Variants in CHCHD6 observed in about 807,000 individuals in gnomAD.
The protein encoded by CHCHD6 is MICOS complex subunit MIC25.
In CHCHD6, 28 loss-of-function variants were observed where a neutral mutation model predicts 32.3. The observed-to-expected ratio is 0.87, with a 90% CI of 0.64 to 1.19. The LOEUF (loss-of-function observed/expected upper bound fraction) is 1.19, where lower values mean the gene tolerates loss of function less well. CHCHD6 is among the 50% of genes most tolerant of loss of function. CHCHD6 has a pLI of 0.00. For missense variants in CHCHD6, 333 were observed against 307.0 expected (o/e 1.08, Z -0.63); for synonymous variants, 122 against 117.5 (o/e 1.04, Z -0.25).
At chr3:126,841,644 G>C (rs939812465) in intron 4 of CHCHD6, among the ~76,000 whole-genome samples, 1 of 152,046 alleles carries the variant, frequency 6.6e-6, no homozygotes, top group Non-Finnish European at 1.5e-5. Flanking sequence ...GGTTGCTCAC[G>C]CCTGTAATCC....
rs199956149 is a variant in CHCHD6 at position 126,730,664 on chromosome 3, C to T, written c.266+34C>T. ...GAGAGCCTGCTTGCTCCCGGCACTG[C>T]GCTCCGCCTAAAAGCCTCTTTCCTC... On this transcript the variant is annotated intron_variant, in intron 3 of 7. Transcript: ENST00000290913. 1.0e-4 allele frequency: 161 copies of T among 1,580,420 alleles called. No homozygotes were observed. In the African/African-American group the frequency reaches 1.5e-3, roughly 15 times the overall value.
chr3:126,799,188 G>A (rs1938943545), intron 4 of CHCHD6, among the ~76,000 whole-genome samples: 1 of 152,182 alleles, frequency 6.6e-6, no homozygotes. Flanking sequence ...GGAACTTGGT[G>A]GGGACTGAAA....
At chr3:126,915,542 C>T (rs548128812) in intron 6 of CHCHD6, among the ~76,000 whole-genome samples, 2 of 152,252 alleles carry the variant, frequency 1.3e-5, no homozygotes, top group Non-Finnish European at 2.9e-5. Flanking sequence ...CCACCAACTC[C>T]ATCCACTTCC....
Position 126,740,912 on chromosome 3 carries a change from T to A in CHCHD6, c.411+7690T>A, listed in dbSNP as rs1367211385. Among the ~76,000 whole-genome samples, 3 of 152,194 alleles carry A rather than the reference T, an allele frequency of 2.0e-5. No individual in the cohort carries two copies. In the East Asian group the frequency reaches 5.8e-4, roughly 29 times the overall value. On this transcript the variant is annotated intron_variant, in intron 4 of 7. Coordinates refer to ENST00000290913, the MANE Select transcript of CHCHD6 (RefSeq NM_032343.3). Reference sequence around the variant, plus strand: ...TGATTTATTTCCTGTATATTTTATCTAAACTGAGGGTGGAGGAAGGCTGTA... The same window carrying A: ...TGATTTATTTCCTGTATATTTTATCAAAACTGAGGGTGGAGGAAGGCTGTA...
intron 1 of CHCHD6, among the ~76,000 whole-genome samples, chr3:126,716,578 A>T (rs1400268775): frequency 6.6e-6 from 1 of 152,014 alleles, no homozygotes; most frequent in Non-Finnish European, 1.5e-5. Context: ...GTACCATGTT[A>T]TGGACCCAGG....
chr3:126,919,481 C>T (rs1208017324), intron 6 of CHCHD6, among the ~76,000 whole-genome samples: 2 of 151,646 alleles, frequency 1.3e-5, no homozygotes, highest in African/African-American at 4.8e-5. Context: ...ATTCGGCTAA[C>T]TTTTTAAATT....
chr3:126,747,739 A>G (rs1366065494), intron 4 of CHCHD6, among the ~76,000 whole-genome samples: 2 of 152,142 alleles, frequency 1.3e-5, no homozygotes, highest in Non-Finnish European at 2.9e-5. Flanking sequence ...TGACAGCTAG[A>G]TATATCCAGC....
At chr3:126,807,649 T>C (rs970567046) in intron 4 of CHCHD6, among the ~76,000 whole-genome samples, 12 of 152,178 alleles carry the variant, frequency 7.9e-5, no homozygotes, top group Non-Finnish European at 4.4e-5. Flanking sequence ...ACCTTCCAGA[T>C]TGAGAAGGGC....
At chr3:126,735,600 C>G (rs979553562) in intron 4 of CHCHD6, among the ~76,000 whole-genome samples, 1 of 152,160 alleles carries the variant, frequency 6.6e-6, no homozygotes. Context: ...CAAGCTTAGC[C>G]AGCTTGCACC....
At chr3:126,730,711 C>T (rs1208907363) in intron 3 of CHCHD6, 81 bp downstream of exon 3, 1 of 1,191,018 alleles carries the variant, frequency 8.4e-7, no homozygotes, top group Non-Finnish European at 1.2e-6. Context: ...CTCTCCTTGC[C>T]TGAAGCCCTG....
chr3:126,930,381 G>T (rs1292526684), intron 6 of CHCHD6, among the ~76,000 whole-genome samples: 5 of 152,152 alleles, frequency 3.3e-5, no homozygotes, highest in Non-Finnish European at 5.9e-5. Flanking sequence ...AAGGTGACCC[G>T]CAGTAGCTTG....
intron 4 of CHCHD6, among the ~76,000 whole-genome samples, chr3:126,746,237 C>T (rs1936497930): frequency 6.6e-6 from 1 of 152,206 alleles, no homozygotes; most frequent in Non-Finnish European, 1.5e-5. Context: ...CTTGTGCCCA[C>T]AGGGAAGGGA....
chr3:126,756,982 T>C (rs1936976866), intron 4 of CHCHD6, among the ~76,000 whole-genome samples: 2 of 152,220 alleles, frequency 1.3e-5, no homozygotes, highest in Admixed American at 1.3e-4. Context: ...GTAAATCAAC[T>C]GGTGGTATTA....
At chr3:126,836,694 A>T (rs1940875891) in intron 4 of CHCHD6, among the ~76,000 whole-genome samples, 1 of 152,180 alleles carries the variant, frequency 6.6e-6, no homozygotes, top group African/African-American at 2.4e-5. Context: ...GATTGTGCGG[A>T]GATGCTGAGA....
At position 126,785,535 on chromosome 3, in the gene CHCHD6, G is replaced by A. The variant is rs60563561; in HGVS notation, c.411+52313G>A. Reference sequence around the variant, plus strand: ...TCTTTGGGAGCTGCTTGCCACAAATGTTGTACATTTCCCTCTGAGCTGTGC... The same window carrying A: ...TCTTTGGGAGCTGCTTGCCACAAATATTGTACATTTCCCTCTGAGCTGTGC... On this transcript the variant is annotated intron_variant, in intron 4 of 7. Transcript: ENST00000290913. Among the ~76,000 whole-genome samples the A allele has an allele frequency of 2.8e-3, 424 of 152,310 alleles. 1 individual carries two copies. Among genetic ancestry groups the A allele is most frequent in the African/African-American group, 9.5e-3 (395 of 41,574 alleles).
At chr3:126,856,273 A>AAGGGCCTCAATGC (rs1941664765) in intron 5 of CHCHD6, among the ~76,000 whole-genome samples, 1 of 152,224 alleles carries the variant, frequency 6.6e-6, no homozygotes, top group African/African-American at 2.4e-5. Flanking sequence ...ACCCAAAACA[A>AAGGGCCTCAATGC]AGGGCCTCAA....
intron 4 of CHCHD6, among the ~76,000 whole-genome samples, chr3:126,834,715 A>G (rs1382691944): frequency 6.6e-6 from 1 of 152,178 alleles, no homozygotes; most frequent in Non-Finnish European, 1.5e-5. Flanking sequence ...TTCACGACAG[A>G]AGGAGCATAC....
intron 5 of CHCHD6, among the ~76,000 whole-genome samples, chr3:126,863,125 A>G (rs1310482493): frequency 1.3e-4 from 4 of 30,206 alleles, no homozygotes; most frequent in African/African-American, 4.2e-4. Flanking sequence ...CTCCACCATC[A>G]TCACCTCCTC....
chr3:126,849,509 C>T (rs185178965), intron 4 of CHCHD6, among the ~76,000 whole-genome samples: 1 of 152,334 alleles, frequency 6.6e-6, no homozygotes, highest in Non-Finnish European at 1.5e-5. Context: ...TTGACCAAAT[C>T]ATGCAGATTC....
Sources: gnomAD v4.1 joint callset for allele counts (sites outside exome capture counted in the v4.1 genomes callset) on GRCh38, gnomAD v4.1.1 for gene constraint, MANE v1.5 for transcripts, NCBI Gene and HGNC (gene_info 2026-07-23, HGNC 2026-07-21) for gene names.